TOX: variants seen among roughly 807,000 people sequenced by gnomAD.
TOX encodes thymocyte selection associated high mobility group box.
A neutral mutation model predicts 53.7 loss-of-function variants in TOX; 11 were observed. That is an observed-to-expected ratio of 0.20 (90% CI 0.13 to 0.34). The LOEUF (loss-of-function observed/expected upper bound fraction) is 0.34. Ranked by LOEUF, TOX falls within the 10% of genes least tolerant of loss-of-function variation. TOX has a pLI of 1.00. For missense variants in TOX, 570 were observed against 664.6 expected (o/e 0.86, Z 1.56); for synonymous variants, 225 against 245.3 (o/e 0.92, Z 0.77).
intron 2 of TOX, among the ~76,000 whole-genome samples, chr8:58,955,732 CTTTT>C (rs35575258): frequency 7.7e-6 from 1 of 130,392 alleles, no homozygotes; most frequent in Non-Finnish European, 1.6e-5. Context: ...GAAAAGGACA[CTTTT>C]TTTTTTTTTT....
intron 3 of TOX, among the ~76,000 whole-genome samples, chr8:58,875,397 T>C (rs1811266254): frequency 6.6e-6 from 1 of 152,194 alleles, no homozygotes; most frequent in Admixed American, 6.5e-5. Context: ...AGAAATGTAC[T>C]AGTATATAGT....
intron 1 of TOX, among the ~76,000 whole-genome samples, chr8:59,087,553 T>A (rs1804534214): frequency 6.6e-6 from 1 of 152,212 alleles, no homozygotes; most frequent in Non-Finnish European, 1.5e-5. Context: ...ACTACATAAA[T>A]TTCAAAGATA....
At chr8:58,962,702 A>G (rs1812821873) in intron 1 of TOX, among the ~76,000 whole-genome samples, 1 of 152,180 alleles carries the variant, frequency 6.6e-6, no homozygotes, top group Admixed American at 6.5e-5. Context: ...GCTACTTGGG[A>G]GGCTAAGGTG....
chr8:58,942,865 C>G (rs2129176846), intron 2 of TOX, among the ~76,000 whole-genome samples: 1 of 152,222 alleles, frequency 6.6e-6, no homozygotes, highest in East Asian at 1.9e-4. Context: ...GAGACTGGTG[C>G]CTCCTCCCAT....
At chr8:58,809,896 T>G (rs556914635) in intron 7 of TOX, among the ~76,000 whole-genome samples, 18 of 152,270 alleles carry the variant, frequency 1.2e-4, no homozygotes, top group African/African-American at 4.3e-4. Context: ...ATAAATCATG[T>G]TTTTCATAAG....
intron 3 of TOX, among the ~76,000 whole-genome samples, chr8:58,866,282 G>A (rs1157290788): frequency 2.6e-5 from 4 of 152,164 alleles, no homozygotes; most frequent in Admixed American, 2.0e-4. Flanking sequence ...AAGGTACACT[G>A]ACTGACATAC....
At chr8:58,900,640 C>T (rs1811720969) in intron 3 of TOX, among the ~76,000 whole-genome samples, 1 of 151,888 alleles carries the variant, frequency 6.6e-6, no homozygotes, top group Non-Finnish European at 1.5e-5. Flanking sequence ...CTGGTGACAC[C>T]ATCTATTCAT....
chr8:58,935,997 G>A (rs7002879), intron 3 of TOX, among the ~76,000 whole-genome samples: 1,998 of 152,196 alleles, frequency 0.013, 58 homozygotes, highest in African/African-American at 0.046. Context: ...TTGGGATAAC[G>A]GGCGCCAGCG....
At chr8:59,018,986 T>C (rs946347300) in intron 1 of TOX, among the ~76,000 whole-genome samples, 2 of 152,192 alleles carry the variant, frequency 1.3e-5, no homozygotes, top group Non-Finnish European at 2.9e-5. Context: ...TTTTCATTGT[T>C]AAGCCTTGTA....
chr8:59,018,816 T>C (rs970215141), intron 1 of TOX, among the ~76,000 whole-genome samples: 1 of 152,058 alleles, frequency 6.6e-6, no homozygotes, highest in African/African-American at 2.4e-5. Context: ...ACCCCTAAAT[T>C]TTAGGGAATA....
rs544482582 is a variant in TOX, at chr8:59,118,844, C to T, written c.102+42G>A. ...GCCACCGCCGCTCCCCTCCCAGGAT[C>T]AAGCAGCAAGAACACGGTGGAAACA... On this transcript the variant is annotated intron_variant, in intron 1 of 8. Transcript: ENST00000361421. This position sits in a 1 kb window ranked among gnomAD's most constrained non-coding sequence, Gnocchi z 4.1. 8.7e-6 allele frequency: 13 copies of T among 1,498,974 alleles called. No individual in the cohort carries two copies. In the East Asian group the frequency reaches 2.4e-4, roughly 28 times the overall value. 92.9% of individuals were successfully genotyped at this position (1,498,974 alleles called of 1,614,324 possible). A position where few individuals can be genotyped will look rare whatever the true frequency, so the allele number is the denominator to read the frequency against.
intron 1 of TOX, among the ~76,000 whole-genome samples, chr8:59,076,174 T>C (rs752655061): frequency 5.9e-5 from 9 of 152,118 alleles, no homozygotes; most frequent in Non-Finnish European, 1.2e-4. Flanking sequence ...ATACAAATGA[T>C]TTAGCTGGAG....
chr8:59,098,076 C>A (rs994603631), intron 1 of TOX, among the ~76,000 whole-genome samples: 10 of 151,644 alleles, frequency 6.6e-5, no homozygotes, highest in African/African-American at 2.2e-4. Context: ...AAAAAAAATC[C>A]AAGAGTGACA....
At chr8:58,989,844 C>T (rs781468049) in intron 1 of TOX, among the ~76,000 whole-genome samples, 22 of 152,210 alleles carry the variant, frequency 1.4e-4, no homozygotes, top group Non-Finnish European at 2.6e-4. Flanking sequence ...ACACTTTCTC[C>T]TGTCACCTGG....
At chr8:58,928,329 G>GA (rs979012888) in intron 3 of TOX, among the ~76,000 whole-genome samples, 7 of 152,198 alleles carry the variant, frequency 4.6e-5, no homozygotes, top group African/African-American at 1.7e-4. Flanking sequence ...CCGCACACAA[G>GA]AAAAAATCCA....
rs1372559113 is a variant in TOX at position 58,877,381 on chromosome 8, T to C, written c.412-25576A>G. ...CGCATCAGACAAGAAAATAAAAGCA[T>C]AAATGTTGCTAGTTATAGTAGCACC... is the stretch of plus-strand genomic sequence containing the variant. On this transcript the variant is annotated intron_variant, in intron 3 of 8. Coordinates refer to ENST00000361421, the MANE Select transcript of TOX (RefSeq NM_014729.3). 7.9e-4 allele frequency among the ~76,000 whole-genome samples: 120 copies of C among 152,192 alleles called. 1 individual carries two copies. The highest frequency in any genetic ancestry group is 4.4e-5 in the Non-Finnish European group (3 of 68,012).
intron 1 of TOX, among the ~76,000 whole-genome samples, chr8:59,041,073 CGTGTGTGTGTGT>C (rs61657323): frequency 7.6e-5 from 11 of 143,928 alleles, no homozygotes; most frequent in Non-Finnish European, 1.1e-4. Context: ...AAAGGGACTC[CGTGTGTGTGTGT>C]GTGTGTGTGT....
At chr8:59,075,621 C>G (rs1488376475) in intron 1 of TOX, among the ~76,000 whole-genome samples, 5 of 152,090 alleles carry the variant, frequency 3.3e-5, no homozygotes, top group African/African-American at 1.2e-4. Context: ...ACTTGAGAAC[C>G]TAGAAGAGCA....
At chr8:58,978,580 T>A (rs867759231) in intron 1 of TOX, among the ~76,000 whole-genome samples, 8 of 151,782 alleles carry the variant, frequency 5.3e-5, no homozygotes, top group South Asian at 2.1e-4. Context: ...GTTAGTTTTT[T>A]AAAAAATCTA....
Sources: gnomAD v4.1 joint callset for allele counts (sites outside exome capture counted in the v4.1 genomes callset) on GRCh38, gnomAD v4.1.1 for gene constraint, Gnocchi (gnomAD v3.1) non-coding constraint, MANE v1.5 for transcripts, NCBI Gene and HGNC (gene_info 2026-07-23, HGNC 2026-07-21) for gene names.